SHC3: variants seen among roughly 807,000 people sequenced by gnomAD.
The protein encoded by SHC3 is SHC adaptor protein 3.
Under a neutral mutation model 60.4 loss-of-function variants are expected in SHC3, and 15 were observed. That is an observed-to-expected ratio of 0.25 (90% CI 0.17 to 0.38). The LOEUF (loss-of-function observed/expected upper bound fraction) is 0.38. SHC3 is among the 10% of genes least tolerant of loss of function. The pLI, the probability that SHC3 is intolerant of heterozygous loss-of-function variation, is 1.00. For missense variants in SHC3, 677 were observed against 786.1 expected (o/e 0.86, Z 1.66); for synonymous variants, 294 against 325.9 (o/e 0.90, Z 1.05).
chr9:89,159,823 A>T (rs1324402901), intron 1 of SHC3, among the ~76,000 whole-genome samples: 1 of 152,234 alleles, frequency 6.6e-6, no homozygotes, highest in Non-Finnish European at 1.5e-5. Context: ...CTGGCAGCTG[A>T]TTAGATGGTG....
chr9:89,142,817 T>C (rs1181342961), intron 1 of SHC3, among the ~76,000 whole-genome samples: 3 of 152,058 alleles, frequency 2.0e-5, no homozygotes, highest in African/African-American at 7.2e-5. Flanking sequence ...AGCCAATTGG[T>C]GTGTGTACAG....
intron 6 of SHC3, among the ~76,000 whole-genome samples, chr9:89,053,594 G>A (rs576096582): frequency 3.7e-4 from 56 of 152,310 alleles, no homozygotes; most frequent in African/African-American, 1.3e-3. Context: ...GGAAGAGCAA[G>A]TACAAATGTA....
intron 11 of SHC3, among the ~76,000 whole-genome samples, chr9:89,030,026 A>G (rs1267712125): frequency 6.6e-6 from 1 of 152,150 alleles, no homozygotes; most frequent in Non-Finnish European, 1.5e-5. Flanking sequence ...AAGGAGAGAA[A>G]AGAATGTGTC....
intron 2 of SHC3, among the ~76,000 whole-genome samples, chr9:89,079,011 G>A (rs1217805066): frequency 2.6e-5 from 4 of 152,174 alleles, no homozygotes; most frequent in Non-Finnish European, 4.4e-5. Flanking sequence ...TATCAGTTAC[G>A]CAACAGACTA....
intron 1 of SHC3, among the ~76,000 whole-genome samples, chr9:89,133,604 C>T (rs527771827): frequency 6.6e-6 from 1 of 152,264 alleles, no homozygotes; most frequent in South Asian, 2.1e-4. Context: ...AGTTCATGTC[C>T]TTTGTAGGGA....
chr9:89,143,229 T>A lies in SHC3; in HGVS notation c.475-30603A>T, dbSNP rs573659106. Among the ~76,000 whole-genome samples the A allele has an allele frequency of 1.7e-4, 26 of 152,248 alleles. No homozygotes were observed. The South Asian group carries it at 2.7e-3, about 16-fold the overall frequency. Reference sequence around the variant, plus strand: ...TAATGCCTCCCCTGTTTAGACCACATAAGGTAACTCCCTGATGTTGCCATG... The same window carrying A: ...TAATGCCTCCCCTGTTTAGACCACAAAAGGTAACTCCCTGATGTTGCCATG... On this transcript the variant is annotated intron_variant, in intron 1 of 11. Coordinates refer to ENST00000375835, the MANE Select transcript of SHC3 (RefSeq NM_016848.6).
intron 1 of SHC3, among the ~76,000 whole-genome samples, chr9:89,124,900 T>A: frequency 6.6e-6 from 1 of 152,106 alleles, no homozygotes; most frequent in Middle Eastern, 3.4e-3. Context: ...AATATCTCCC[T>A]CATCACTCAA....
intron 1 of SHC3, among the ~76,000 whole-genome samples, chr9:89,162,823 A>T: frequency 6.7e-6 from 1 of 148,482 alleles, no homozygotes; most frequent in Non-Finnish European, 1.5e-5. Flanking sequence ...AAAATGGGAG[A>T]AAATTTTCGC....
At chr9:89,075,930 G>A (rs1825350896) in intron 3 of SHC3, among the ~76,000 whole-genome samples, 2 of 152,120 alleles carry the variant, frequency 1.3e-5, no homozygotes, top group African/African-American at 4.8e-5. Flanking sequence ...GTACCTGGGT[G>A]GGCAATGCCC....
At chr9:89,099,407 C>T (rs906104454) in intron 2 of SHC3, among the ~76,000 whole-genome samples, 26 of 152,308 alleles carry the variant, frequency 1.7e-4, no homozygotes, top group African/African-American at 5.8e-4. Flanking sequence ...GAATTGTTCA[C>T]GTTTGTGCTT....
intron 1 of SHC3, among the ~76,000 whole-genome samples, chr9:89,165,526 C>CA (rs35567194): frequency 0.21 from 25,557 of 121,094 alleles, 3,081 homozygotes; most frequent in African/African-American, 0.25. Context: ...ATCATCAAGG[C>CA]AAAAAAAAAA....
intron 11 of SHC3, among the ~76,000 whole-genome samples, chr9:89,023,522 C>G (rs1238042468): frequency 6.6e-6 from 1 of 152,214 alleles, no homozygotes; most frequent in East Asian, 1.9e-4. Flanking sequence ...TACTGTTTCT[C>G]TTCTCTGCCA....
chr9:89,102,513 T>C lies in SHC3; in HGVS notation c.545+10043A>G, dbSNP rs550618962. On this transcript the variant is annotated intron_variant, in intron 2 of 11. Transcript: ENST00000375835. ...AGTGTTATAATGATATGTCTGTGTC[T>C]GTAATAACCCAAAATAGCGTTTTCA... 2.6e-5 allele frequency among the ~76,000 whole-genome samples: 4 copies of C among 152,344 alleles called. No individual in the cohort carries two copies. In the South Asian group the frequency reaches 8.3e-4, roughly 32 times the overall value.
At chr9:89,177,843 GA>G (rs1478843089) in intron 1 of SHC3, 143 bp downstream of exon 1, 4 of 1,080,558 alleles carry the variant, frequency 3.7e-6, no homozygotes, top group African/African-American at 1.7e-5. Context: ...CAAGCGAGCT[GA>G]TTGCTAAGGA....
intron 1 of SHC3, among the ~76,000 whole-genome samples, chr9:89,162,256 T>C (rs1826718586): frequency 1.3e-5 from 2 of 150,098 alleles, no homozygotes; most frequent in South Asian, 2.1e-4. Context: ...AAAGTTCATA[T>C]GGAACCAAAA....
rs763419136 is a variant in SHC3 at position 89,178,463 on chromosome 9, C to A, written c.-3G>T. 7.0e-7 allele frequency: 1 copy of A among 1,434,624 alleles called. No homozygotes were observed. The highest frequency in any genetic ancestry group is 1.5e-5 in the South Asian group (1 of 64,942). 88.9% of individuals were successfully genotyped at this position (1,434,624 alleles called of 1,614,324 possible). A position where few individuals can be genotyped will look rare whatever the true frequency, so the allele number is the denominator to read the frequency against. ...TTATACTTGGTGCGTGGAAGCATGCCCCTCCGTGGGCTCGCTGCATCCGCC... is the reference window on the plus strand; with the variant it reads ...TTATACTTGGTGCGTGGAAGCATGCACCTCCGTGGGCTCGCTGCATCCGCC... On this transcript the variant is annotated 5_prime_UTR_variant, in exon 1 of 12. Transcript: ENST00000375835. The surrounding 1 kb of genome is among the most constrained non-coding windows in gnomAD (Gnocchi z 6.9).
intron 2 of SHC3, among the ~76,000 whole-genome samples, chr9:89,105,034 C>A (rs948706283): frequency 6.6e-6 from 1 of 152,188 alleles, no homozygotes; most frequent in African/African-American, 2.4e-5. Context: ...ACCCTTCTTA[C>A]ATGCACTTGC....
chr9:89,037,302 C>T, intron 11 of SHC3: 1 of 572,508 alleles, frequency 1.7e-6, no homozygotes. Context: ...CTCTACCCTG[C>T]TTTGTTGTTT....
intron 2 of SHC3, chr9:89,109,399 T>C (rs1280147518): frequency 2.0e-6 from 2 of 981,636 alleles, no homozygotes; most frequent in Non-Finnish European, 2.4e-6. Context: ...AATACATACA[T>C]AGAGTTGGGA....
Sources: allele counts gnomAD v4.1 joint callset (sites outside exome capture counted in the v4.1 genomes callset), GRCh38; gene constraint gnomAD v4.1.1; non-coding constraint Gnocchi (gnomAD v3.1); transcripts MANE v1.5; gene names NCBI Gene and HGNC (gene_info 2026-07-23, HGNC 2026-07-21).